Variants in PDE4A observed in about 807,000 individuals in gnomAD.
The protein encoded by PDE4A is 3',5'-cyclic-AMP phosphodiesterase 4A.
PDE4A carries 21 observed loss-of-function variants against 73.9 expected under a neutral mutation model. The ratio of observed to expected loss-of-function variants is 0.28; its 90% confidence interval spans 0.20 to 0.41. PDE4A has a LOEUF of 0.41. PDE4A is among the 10% of genes least tolerant of loss of function. PDE4A has a pLI of 1.00. For missense variants in PDE4A, 958 were observed against 1,211.4 expected (o/e 0.79, Z 3.10); for synonymous variants, 463 against 505.4 (o/e 0.92, Z 1.13).
In PDE4A at chr19:10,449,202, G is replaced by A. The variant is rs569923505; in HGVS notation, c.620+52G>A. ...TGTGATCATAAGGTGAAGCATATGCGGGTTCTGCTCTCAGCCCTGCTGTGT... is the reference window on the plus strand; with the variant it reads ...TGTGATCATAAGGTGAAGCATATGCAGGTTCTGCTCTCAGCCCTGCTGTGT... On this transcript the variant is annotated intron_variant, in intron 4 of 14. Transcript: ENST00000380702. 6.3e-4 allele frequency: 991 copies of A among 1,581,106 alleles called. 3 individuals carry two copies. Among genetic ancestry groups the A allele is most frequent in the Non-Finnish European group, 4.6e-4 (529 of 1,159,112 alleles).
At chr19:10,428,357 CGAGAGAGAGAGA>C (rs56177515) in intron 1 of PDE4A, among the ~76,000 whole-genome samples, 261 of 137,392 alleles carry the variant, frequency 1.9e-3, no homozygotes, top group East Asian at 0.017. Flanking sequence ...GATCCTGTCT[CGAGAGAGAGAGA>C]GAGAGAGAGA....
At chr19:10,434,751 C>A (rs539191958) in intron 1 of PDE4A, among the ~76,000 whole-genome samples, 3 of 151,942 alleles carry the variant, frequency 2.0e-5, no homozygotes, top group Non-Finnish European at 2.9e-5. Flanking sequence ...GCCACCACGC[C>A]TGGCTAATTT....
upstream of PDE4A, chr19:10,416,892 G>A (rs1174522467): frequency 5.2e-6 from 8 of 1,534,976 alleles, no homozygotes; most frequent in African/African-American, 1.4e-5. Flanking sequence ...AGGAGGCCCT[G>A]GCCCTGCCGA....
chr19:10,427,023 C>T (rs764349076), intron 1 of PDE4A, among the ~76,000 whole-genome samples: 11 of 151,252 alleles, frequency 7.3e-5, no homozygotes, highest in African/African-American at 2.7e-4. Flanking sequence ...AGGTAAGGGC[C>T]GGGCGCAGTG....
intron 1 of PDE4A, among the ~76,000 whole-genome samples, chr19:10,434,115 A>G (rs980840490): frequency 6.6e-6 from 1 of 151,874 alleles, no homozygotes; most frequent in Non-Finnish European, 1.5e-5. Context: ...ACTAATAACC[A>G]TAGTATTTAT....
At chr19:10,452,949 C>T in intron 6 of PDE4A, 2 of 1,156,802 alleles carry the variant, frequency 1.7e-6, no homozygotes, top group Non-Finnish European at 2.1e-6. Flanking sequence ...CGGGTGCACA[C>T]ACAGAGCTCC....
Position 10,466,904 on chromosome 19 carries a change from C to T in PDE4A, c.1944C>T (p.Tyr648=). 2 of 1,613,888 alleles carry T rather than the reference C, an allele frequency of 1.2e-6. No individual in the cohort carries two copies. The highest frequency in any genetic ancestry group is 1.6e-4 in the Middle Eastern group (1 of 6,062). The change falls in exon 15 of 15, where the codon TAC becomes TAT. Residue 648 remains tyrosine (Y), a synonymous_variant. Coordinates refer to ENST00000380702, the MANE Select transcript of PDE4A (RefSeq NM_001111307.2). ...VEKSQVGFID[Y]IVHPLWETWA... is the part of the protein sequence containing the mutation. ...TCCACCAGGTGGGTTTTATTGACTA[C>T]ATTGTGCACCCATTGTGGGAGACCT...
rs900437248 is a variant in PDE4A, at chr19:10,444,636, T to A, written c.321-1582T>A. 2.6e-5 allele frequency among the ~76,000 whole-genome samples: 4 copies of A among 151,404 alleles called. No individual in the cohort carries two copies. In the East Asian group the frequency reaches 7.7e-4, roughly 29 times the overall value. ...GCAAATCTGGGCTGGAGAAACAGCC[T>A]GTGCAAAGGCCCTGAGGCAGGACTG... On this transcript the variant is annotated intron_variant, in intron 1 of 14. Transcript: ENST00000380702.
At chr19:10,464,155 T>C (rs2043325338) in intron 14 of PDE4A, 180 bp downstream of exon 14, 4 of 754,728 alleles carry the variant, frequency 5.3e-6, no homozygotes, top group Non-Finnish European at 6.4e-6. Flanking sequence ...TGGAGTACAA[T>C]GGCACGATCT....
At chr19:10,435,172 A>C (rs1002436817) in intron 1 of PDE4A, among the ~76,000 whole-genome samples, 3 of 151,934 alleles carry the variant, frequency 2.0e-5, no homozygotes, top group Admixed American at 6.6e-5. Context: ...CAACAAGCCC[A>C]ATTTCATGCT....
At chr19:10,439,404 A>G (rs1234781635) in intron 1 of PDE4A, among the ~76,000 whole-genome samples, 2 of 151,926 alleles carry the variant, frequency 1.3e-5, no homozygotes, top group Admixed American at 1.3e-4. Context: ...CTGGTCTCGA[A>G]CTCTGGACCT....
chr19:10,443,707 C>G (rs573487517), intron 1 of PDE4A, among the ~76,000 whole-genome samples: 68 of 151,660 alleles, frequency 4.5e-4, no homozygotes, highest in African/African-American at 1.6e-3. Flanking sequence ...AGCGAGATTT[C>G]ATCTCAAAAA....
In PDE4A at chr19:10,442,197, T is replaced by G. The variant is rs569988785; in HGVS notation, c.321-4021T>G. ...TAGGTCAGCCTATAGAGAGTCACCA[T>G]AAGACTTTACTGGAATGGTCTCTCT... On this transcript the variant is annotated intron_variant, in intron 1 of 14. Transcript: ENST00000380702. 2.9e-3 allele frequency among the ~76,000 whole-genome samples: 440 copies of G among 152,162 alleles called. 6 individuals are homozygous for G. The highest frequency in any genetic ancestry group is 0.01 in the African/African-American group (425 of 41,526).
In PDE4A at chr19:10,448,921, G is replaced by T; in HGVS notation, c.517G>T (p.Ala173Ser). The T allele has an allele frequency of 6.2e-7, 1 of 1,613,806 alleles. No homozygotes were observed. Among genetic ancestry groups the T allele is most frequent in the Non-Finnish European group, 8.5e-7 (1 of 1,179,846 alleles). ...RNSSVTSEAHAEDLIVTPFAQ... is the reference protein window; with the variant it reads ...RNSSVTSEAHSEDLIVTPFAQ... ...TGCCTCTGTCCTCAATCACAGGCAC[G>T]CTGAAGACCTCATCGTAACACCATT... Residue 173 changes from alanine to serine, a missense_variant, in exon 3 of 15, where the codon GCT becomes TCT. By Grantham distance (99) the Ala-to-Ser change is moderately conservative (BLOSUM62 1). Transcript: ENST00000380702.
chr19:10,437,281 G>A (rs756100548), intron 1 of PDE4A, among the ~76,000 whole-genome samples: 10 of 151,722 alleles, frequency 6.6e-5, no homozygotes, highest in East Asian at 1.9e-4. Context: ...ACACCAGCAC[G>A]CCAAGCTAAT....
intron 2 of PDE4A, 148 bp downstream of exon 2, chr19:10,446,557 G>A: frequency 2.4e-6 from 2 of 832,284 alleles, no homozygotes; most frequent in Non-Finnish European, 3.6e-6. Context: ...GCAGCACCCT[G>A]CCCCTCCTAT....
rs934328796 is a variant in PDE4A at position 10,449,236 on chromosome 19, G to A, written c.620+86G>A. 9 of 1,435,442 alleles carry A rather than the reference G, an allele frequency of 6.3e-6. No homozygotes were observed. The Admixed American group carries it at 1.5e-4, about 25-fold the overall frequency. The allele number at this position is 1,435,442 out of a possible 1,614,324, so 88.9% of individuals were successfully genotyped here. ...TCTCAGCCCTGCTGTGTGACCTCTG[G>A]CAGGCAGGTGACCTCTCTGAACCTC... On this transcript the variant is annotated intron_variant, in intron 4 of 14. Coordinates refer to ENST00000380702, the MANE Select transcript of PDE4A (RefSeq NM_001111307.2).
At position 10,424,691 on chromosome 19, in the gene PDE4A, T is replaced by C. The variant is rs1205807672; in HGVS notation, c.320+3607T>C. Among the ~76,000 whole-genome samples, 1 of 152,254 alleles carries C rather than the reference T, an allele frequency of 6.6e-6. No individual in the cohort carries two copies. The highest frequency in any genetic ancestry group is 1.5e-5 in the Non-Finnish European group (1 of 68,046). ...TGTGGGGTCCTCGCCCTCCCGGGCT[T>C]GGGACCAGGCCGCTTTCCCCATGCG... On this transcript the variant is annotated intron_variant, in intron 1 of 14. Transcript: ENST00000380702. This position sits in a 1 kb window ranked among gnomAD's most constrained non-coding sequence, Gnocchi z 4.8.
chr19:10,461,438 G>T, intron 11 of PDE4A, 88 bp from the exon 12 acceptor site: 1 of 1,560,816 alleles, frequency 6.4e-7, no homozygotes, highest in Middle Eastern at 2.4e-4. Context: ...GGGCTGGGGA[G>T]GGGTTAGCTA....
Sources: gnomAD v4.1 joint callset for allele counts (sites outside exome capture counted in the v4.1 genomes callset) on GRCh38, gnomAD v4.1.1 for gene constraint, Gnocchi (gnomAD v3.1) non-coding constraint, MANE v1.5 for transcripts, NCBI Gene and HGNC (gene_info 2026-07-23, HGNC 2026-07-21) for gene names.